The following DET1 variants were observed in gnomAD, a reference collection of about 807,000 sequenced individuals.
DET1 encodes the protein DET1 partner of COP1 E3 ubiquitin ligase.
In DET1, 22 loss-of-function variants were observed where a neutral mutation model predicts 43.7. The ratio of observed to expected loss-of-function variants is 0.50; its 90% CI spans 0.36 to 0.72. The LOEUF (loss-of-function observed/expected upper bound fraction) is 0.72, where lower values mean the gene tolerates loss of function less well. Ranked by LOEUF, DET1 falls within the 30% of genes least tolerant of loss-of-function variation. The probability of loss-of-function intolerance (pLI) is 0.00; values close to 1 mark genes in which losing one functional copy is unlikely to be tolerated. For synonymous variants in DET1, 315 were observed against 266.2 expected (o/e 1.18, Z -1.79); for missense variants, 713 against 713.3 (o/e 1.00, Z 0.00).
At chr15:88,545,063 T>TA (rs1417800891) in intron 1 of DET1, among the ~76,000 whole-genome samples, 2 of 152,276 alleles carry the variant, frequency 1.3e-5, no homozygotes, top group East Asian at 1.9e-4. Context: ...TCGAGATACT[T>TA]ATCAGTTTTT....
At chr15:88,524,144 A>C (rs1449373155) in intron 3 of DET1, among the ~76,000 whole-genome samples, 2 of 132,046 alleles carry the variant, frequency 1.5e-5, no homozygotes, top group Non-Finnish European at 3.2e-5. Context: ...TCGGGGATGT[A>C]AGGAGCGCCT....
chr15:88,521,976 T>C (rs1020209251), intron 3 of DET1, among the ~76,000 whole-genome samples: 2 of 151,844 alleles, frequency 1.3e-5, no homozygotes, highest in African/African-American at 4.8e-5. Context: ...TAGTGCTTCC[T>C]GCTTTCTGTG....
chr15:88,541,061 C>G (rs1161346543), intron 1 of DET1, among the ~76,000 whole-genome samples: 1 of 75,146 alleles, frequency 1.3e-5, no homozygotes, highest in Non-Finnish European at 2.4e-5. Flanking sequence ...CTGCCTGTCC[C>G]TGGGCAATGG....
intron 1 of DET1, among the ~76,000 whole-genome samples, chr15:88,540,371 C>G (rs990104175): frequency 1.6e-4 from 25 of 151,756 alleles, no homozygotes; most frequent in African/African-American, 6.1e-4. Flanking sequence ...TATGTTAATT[C>G]TGTTTTTCTG....
chr15:88,522,683 TG>T (rs1199978375), intron 3 of DET1, among the ~76,000 whole-genome samples: 5 of 151,406 alleles, frequency 3.3e-5, no homozygotes, highest in Non-Finnish European at 7.4e-5. Context: ...TAATTTTTTT[TG>T]TATTTTTTTT....
At chr15:88,512,026 G>T (rs571393753), downstream of DET1, among the ~76,000 whole-genome samples, 1 of 152,338 alleles carries the variant, frequency 6.6e-6, no homozygotes, top group East Asian at 1.9e-4. Flanking sequence ...CAGAGGATGT[G>T]GCTGGGGCCA....
chr15:88,513,196 T>C, intron 4 of DET1, 56 bp from the exon 5 acceptor site: 2 of 1,504,730 alleles, frequency 1.3e-6, no homozygotes, highest in Non-Finnish European at 1.8e-6. Flanking sequence ...ATATTCACCA[T>C]CGAACTGAAA....
downstream of DET1, chr15:88,512,357 G>A: frequency 1.0e-6 from 1 of 985,332 alleles, no homozygotes; most frequent in South Asian, 4.7e-5. Flanking sequence ...TTACCACTTA[G>A]TTCTCCCAGG....
At chr15:88,544,646 C>A (rs530332521) in intron 1 of DET1, among the ~76,000 whole-genome samples, 1 of 152,152 alleles carries the variant, frequency 6.6e-6, no homozygotes, top group Non-Finnish European at 1.5e-5. Context: ...GTCATCCTCA[C>A]GCCAATGGCT....
chr15:88,509,927 A>G (rs1009628095), downstream of DET1, among the ~76,000 whole-genome samples: 36 of 152,254 alleles, frequency 2.4e-4, no homozygotes, highest in Admixed American at 2.0e-3. Context: ...ACAAGATGGA[A>G]GACACTTGGG....
chr15:88,509,490 G>A (rs2056174906), downstream of DET1, among the ~76,000 whole-genome samples: 1 of 152,218 alleles, frequency 6.6e-6, no homozygotes, highest in African/African-American at 2.4e-5. Flanking sequence ...TTTTTCTGCA[G>A]CTATTTTCAG....
intron 3 of DET1, among the ~76,000 whole-genome samples, chr15:88,527,363 C>T (rs1456740889): frequency 2.6e-5 from 4 of 152,218 alleles, no homozygotes; most frequent in Non-Finnish European, 5.9e-5. Flanking sequence ...CATGAAGACA[C>T]AGCCTCTGTC....
In DET1 at chr15:88,516,719, G is replaced by A; in HGVS notation, c.1463+63C>T. ...CAATCAAATGATGTCCAGAAAAAGA[G>A]AAAAAGAAAGCAGGCCATCTTCAGC... is the stretch of plus-strand genomic sequence containing the variant. On this transcript the variant is annotated intron_variant, in intron 4 of 4. Coordinates refer to ENST00000268148, the MANE Select transcript of DET1 (RefSeq NM_001144074.3). This position sits in a 1 kb window ranked among gnomAD's most constrained non-coding sequence, Gnocchi z 4.4. 1 of 1,352,844 alleles carries A rather than the reference G, an allele frequency of 7.4e-7. No homozygotes were observed. The allele number at this position is 1,352,844 out of a possible 1,614,324, so 83.8% of individuals were successfully genotyped here.
intron 1 of DET1, among the ~76,000 whole-genome samples, chr15:88,543,072 T>G (rs374730179): frequency 6.6e-6 from 1 of 152,188 alleles, no homozygotes; most frequent in Admixed American, 6.5e-5. Flanking sequence ...AAGAACAGGC[T>G]TTTCAAAATC....
chr15:88,518,019 C>T (rs2056392575), intron 3 of DET1, among the ~76,000 whole-genome samples: 1 of 152,078 alleles, frequency 6.6e-6, no homozygotes, highest in South Asian at 2.1e-4. Flanking sequence ...TTACTGCAAC[C>T]TCCACCTCTC....
chr15:88,539,876 C>T (rs1298660910), intron 1 of DET1, among the ~76,000 whole-genome samples: 1 of 152,176 alleles, frequency 6.6e-6, no homozygotes, highest in African/African-American at 2.4e-5. Flanking sequence ...TCAAAACAGC[C>T]ACCCTGCAGA....
chr15:88,511,244 T>A (rs1327567530), downstream of DET1, among the ~76,000 whole-genome samples: 1 of 152,100 alleles, frequency 6.6e-6, no homozygotes, highest in Non-Finnish European at 1.5e-5. Flanking sequence ...CTACTCTCTA[T>A]TCCCTCCAAG....
At chr15:88,544,005 T>G (rs1014792299) in intron 1 of DET1, among the ~76,000 whole-genome samples, 3 of 152,224 alleles carry the variant, frequency 2.0e-5, no homozygotes, top group South Asian at 2.1e-4. Context: ...CTTCTAGTAC[T>G]AGTAGACACC....
At chr15:88,515,565 A>AAAAAAAAAAAAAC (rs2056323120) in intron 4 of DET1, among the ~76,000 whole-genome samples, 2 of 149,610 alleles carry the variant, frequency 1.3e-5, no homozygotes, top group Admixed American at 6.6e-5. Context: ...AAAAAAAAAA[A>AAAAAAAAAAAAAC]AAAGACCGAA....
Sources: gnomAD v4.1 joint callset for allele counts (sites outside exome capture counted in the v4.1 genomes callset) on GRCh38, gnomAD v4.1.1 for gene constraint, Gnocchi (gnomAD v3.1) non-coding constraint, MANE v1.5 for transcripts, NCBI Gene and HGNC (gene_info 2026-07-23, HGNC 2026-07-21) for gene names.